Variants in PAM observed in about 807,000 individuals in gnomAD.
PAM encodes the protein peptidylglycine alpha-amidating monooxygenase, also known as peptidyl-glycine alpha-amidating monooxygenase.
PAM carries 72 observed loss-of-function variants against 122.1 expected under a neutral mutation model. That is an observed-to-expected ratio of 0.59 (90% CI 0.49 to 0.72). PAM has a LOEUF of 0.72. Among genes scored for constraint, PAM ranks in the 30% least tolerant of loss-of-function variants. PAM has a pLI of 0.00. For missense variants in PAM, 1,106 were observed against 1,183.7 expected, an observed-to-expected ratio of 0.93 and a Z score of 0.96; for synonymous variants, 389 against 404.4, an observed-to-expected ratio of 0.96 and a Z score of 0.46.
intron 1 of PAM, among the ~76,000 whole-genome samples, chr5:102,819,773 A>G (rs2150306062): frequency 6.6e-6 from 1 of 152,310 alleles, no homozygotes; most frequent in African/African-American, 2.4e-5. Context: ...TACTCTGAAA[A>G]TGTGCAGTTC....
At chr5:102,826,827 A>G (rs1561551530) in intron 1 of PAM, among the ~76,000 whole-genome samples, 1 of 152,182 alleles carries the variant, frequency 6.6e-6, no homozygotes, top group Non-Finnish European at 1.5e-5. Context: ...CTTTAACAGG[A>G]AGTATTCAGT....
intron 1 of PAM, among the ~76,000 whole-genome samples, chr5:102,816,577 G>A (rs1436811876): frequency 6.6e-6 from 1 of 152,132 alleles, no homozygotes; most frequent in Non-Finnish European, 1.5e-5. Context: ...AGAGTGGTCA[G>A]TGCTCTGTCC....
rs1804119 is a variant in PAM, at chr5:102,990,348, C to T, written c.1560C>T (p.Asp520=). Residue 520 remains aspartate (D), a synonymous_variant, in exon 16 of 26, where the codon GAC becomes GAT. Coordinates refer to ENST00000438793, the MANE Select transcript of PAM (RefSeq NM_001177306.2). ...GCCAGGTTTCTGGGGTGGCTCTAGA[C>T]CCTAAGAATAACCTGGTGATTTTCC... The part of the protein sequence containing the change: ...LPGQVSGVAL[D]PKNNLVIFHR... The T allele has an allele frequency of 1.9e-6, 3 of 1,609,358 alleles. No homozygotes were observed. Among genetic ancestry groups the T allele is most frequent in the Admixed American group, 1.7e-5 (1 of 59,836 alleles).
intron 23 of PAM, among the ~76,000 whole-genome samples, 153 bp downstream of exon 23, chr5:103,019,996 G>A (rs1290860679): frequency 6.8e-6 from 1 of 146,352 alleles, no homozygotes; most frequent in Non-Finnish European, 1.5e-5. Flanking sequence ...CTTTAAACCT[G>A]TATGTTGCCA....
At chr5:102,842,550 G>A (rs59151135) in intron 1 of PAM, among the ~76,000 whole-genome samples, 6,115 of 152,216 alleles carry the variant, frequency 0.04, 396 homozygotes, top group African/African-American at 0.14. Context: ...CTTTAAGTCC[G>A]TTAAACCTCT....
chr5:102,925,406 C>T (rs1749071837), intron 6 of PAM, among the ~76,000 whole-genome samples: 1 of 152,150 alleles, frequency 6.6e-6, no homozygotes, highest in African/African-American at 2.4e-5. Context: ...TTTTTACAGT[C>T]CTGGAACCTA....
At chr5:102,990,031 C>T (rs1582630774) in intron 15 of PAM, 3 of 289,396 alleles carry the variant, frequency 1.0e-5, no homozygotes, top group African/African-American at 2.2e-5. Flanking sequence ...GCTGGCTTTA[C>T]AGGCATCTTA....
At chr5:102,975,054 T>A (rs1016992893) in intron 15 of PAM, among the ~76,000 whole-genome samples, 1 of 152,200 alleles carries the variant, frequency 6.6e-6, no homozygotes, top group Admixed American at 6.5e-5. Context: ...TAGGCTTCCA[T>A]AAGTAGAGGA....
At chr5:102,973,898 T>C (rs1327400695) in intron 14 of PAM, among the ~76,000 whole-genome samples, 1 of 152,200 alleles carries the variant, frequency 6.6e-6, no homozygotes, top group Non-Finnish European at 1.5e-5. Context: ...AATATGTCAA[T>C]AGATGTTATA....
intron 1 of PAM, among the ~76,000 whole-genome samples, chr5:102,825,733 G>A (rs951017029): frequency 2.0e-5 from 3 of 152,150 alleles, no homozygotes; most frequent in African/African-American, 7.2e-5. Flanking sequence ...CTCTAGTCTA[G>A]CTACTTGGGA....
intron 14 of PAM, among the ~76,000 whole-genome samples, chr5:102,962,405 A>G (rs1762766829): frequency 6.6e-6 from 1 of 151,840 alleles, no homozygotes; most frequent in South Asian, 2.1e-4. Context: ...CAGAGTGTTT[A>G]CTGTAACTTC....
intron 5 of PAM, among the ~76,000 whole-genome samples, chr5:102,920,076 G>GT (rs1207538441): frequency 6.6e-6 from 1 of 152,004 alleles, no homozygotes; most frequent in Non-Finnish European, 1.5e-5. Flanking sequence ...GAACATCTTG[G>GT]TTTCAAATCT....
intron 21 of PAM, among the ~76,000 whole-genome samples, chr5:103,010,663 A>G (rs1249037900): frequency 1.3e-5 from 2 of 152,224 alleles, no homozygotes; most frequent in Admixed American, 6.5e-5. Flanking sequence ...ATCATCAGCT[A>G]CTGAACCAAG....
chr5:102,997,620 C>T (rs776348286), intron 16 of PAM, among the ~76,000 whole-genome samples: 3 of 152,060 alleles, frequency 2.0e-5, no homozygotes, highest in Non-Finnish European at 2.9e-5. Flanking sequence ...CCTTCATTTG[C>T]TATGTCAAAA....
chr5:102,757,123 C>G (rs1191390322), intron 1 of PAM, among the ~76,000 whole-genome samples: 4 of 152,094 alleles, frequency 2.6e-5, no homozygotes, highest in Non-Finnish European at 1.5e-5. Flanking sequence ...GTCAGAAGTT[C>G]CGTACCAGCC....
intron 1 of PAM, among the ~76,000 whole-genome samples, chr5:102,780,793 TTC>T (rs1758641608): frequency 2.1e-5 from 3 of 143,848 alleles, no homozygotes; most frequent in South Asian, 4.5e-4. Context: ...CTTTCTTTCT[TTC>T]TTTCTTTCTT....
chr5:102,942,537 G>T (rs534730538), intron 7 of PAM, among the ~76,000 whole-genome samples: 101 of 152,008 alleles, frequency 6.6e-4, no homozygotes, highest in African/African-American at 2.4e-3. Flanking sequence ...CTCTGGGAGG[G>T]TGGGAAGATA....
At chr5:102,960,242 C>G (rs1286360429) in intron 13 of PAM, among the ~76,000 whole-genome samples, 183 bp downstream of exon 13, 1 of 151,866 alleles carries the variant, frequency 6.6e-6, no homozygotes, top group Non-Finnish European at 1.5e-5. Flanking sequence ...TGACATGTAC[C>G]CATCAGAACA....
chr5:102,969,528 C>T (rs1188191841), intron 14 of PAM, among the ~76,000 whole-genome samples: 2 of 152,044 alleles, frequency 1.3e-5, no homozygotes, highest in Non-Finnish European at 2.9e-5. Context: ...AGATAAGATT[C>T]CCAAATGAGT....
Sources: allele counts gnomAD v4.1 joint callset (sites outside exome capture counted in the v4.1 genomes callset), GRCh38; gene constraint gnomAD v4.1.1; transcripts MANE v1.5; gene names NCBI Gene and HGNC (gene_info 2026-07-23, HGNC 2026-07-21).